Variants in PTPRD observed in about 807,000 individuals in gnomAD.
The protein encoded by PTPRD is receptor-type tyrosine-protein phosphatase delta.
In PTPRD, 34 loss-of-function variants were observed where a neutral mutation model predicts 214.5. The ratio of observed to expected loss-of-function variants is 0.16; its 90% CI spans 0.12 to 0.21. The LOEUF (loss-of-function observed/expected upper bound fraction) is 0.21, where lower values mean the gene tolerates loss of function less well. PTPRD is among the 10% of genes least tolerant of loss of function. The pLI is 1.00. For missense variants in PTPRD, 2,545 were observed against 2,398.7 expected (o/e 1.06, Z -1.27); for synonymous variants, 1,128 against 845.7 (o/e 1.33, Z -5.79).
At chr9:9,257,896 A>G (rs568447623) in intron 9 of PTPRD, among the ~76,000 whole-genome samples, 1 of 152,148 alleles carries the variant, frequency 6.6e-6, no homozygotes, top group Admixed American at 6.6e-5. Context: ...CTTTTAAAAA[A>G]TATAGTGACT....
At chr9:9,345,286 C>G (rs920078901) in intron 9 of PTPRD, among the ~76,000 whole-genome samples, 2 of 151,878 alleles carry the variant, frequency 1.3e-5, no homozygotes, top group African/African-American at 4.8e-5. Context: ...AATGTATTAT[C>G]TAATCCATTA....
intron 8 of PTPRD, among the ~76,000 whole-genome samples, chr9:9,550,655 C>T (rs2079983472): frequency 6.6e-6 from 1 of 151,138 alleles, no homozygotes; most frequent in Non-Finnish European, 1.5e-5. Flanking sequence ...CTGTAAAACC[C>T]CGCATGAAAA....
intron 7 of PTPRD, among the ~76,000 whole-genome samples, chr9:9,647,510 C>T (rs1378711688): frequency 6.6e-6 from 1 of 152,024 alleles, no homozygotes; most frequent in Non-Finnish European, 1.5e-5. Flanking sequence ...CTTACTTTTG[C>T]CAGTCTTATA....
At chr9:9,913,956 C>T (rs926704325) in intron 5 of PTPRD, among the ~76,000 whole-genome samples, 4 of 152,100 alleles carry the variant, frequency 2.6e-5, no homozygotes, top group South Asian at 2.1e-4. Flanking sequence ...TATGACAAGC[C>T]GACAATAGTG....
At chr9:8,945,261 T>A (rs1164708300) in intron 11 of PTPRD, among the ~76,000 whole-genome samples, 1 of 151,968 alleles carries the variant, frequency 6.6e-6, no homozygotes. Flanking sequence ...TACTTGTGAA[T>A]CTCCCACTTA....
chr9:9,951,811 G>A (rs1250597842), intron 4 of PTPRD, among the ~76,000 whole-genome samples: 5 of 152,218 alleles, frequency 3.3e-5, no homozygotes, highest in Admixed American at 3.3e-4. Flanking sequence ...CAGGAAACAA[G>A]ATTACATATG....
intron 9 of PTPRD, among the ~76,000 whole-genome samples, chr9:9,238,334 G>A (rs2099968331): frequency 6.6e-6 from 1 of 152,116 alleles, no homozygotes; most frequent in South Asian, 2.1e-4. Context: ...TGGCTGACAA[G>A]TCACTGACAA....
intron 10 of PTPRD, among the ~76,000 whole-genome samples, chr9:9,146,956 G>C (rs555817759): frequency 6.6e-6 from 1 of 152,168 alleles, no homozygotes; most frequent in East Asian, 1.9e-4. Flanking sequence ...CATTTGACTT[G>C]ACTTTTTAAA....
intron 10 of PTPRD, among the ~76,000 whole-genome samples, chr9:9,058,729 G>A (rs1345139128): frequency 2.0e-5 from 3 of 151,732 alleles, no homozygotes; most frequent in Non-Finnish European, 1.5e-5. Context: ...GACTACAGGC[G>A]TGAGCCACCG....
chr9:10,193,907 A>C (rs1408656095), intron 3 of PTPRD, among the ~76,000 whole-genome samples: 2 of 152,154 alleles, frequency 1.3e-5, no homozygotes, highest in African/African-American at 4.8e-5. Flanking sequence ...GCTTTGTTAG[A>C]TGCTCCGAAA....
At chr9:8,892,129 C>A (rs1326898989) in intron 11 of PTPRD, among the ~76,000 whole-genome samples, 1 of 152,158 alleles carries the variant, frequency 6.6e-6, no homozygotes, top group Non-Finnish European at 1.5e-5. Flanking sequence ...CCTCTGCTGA[C>A]CCCAGCCCTA....
At chr9:10,050,559 C>CAAAAAAAAAAAAAAAAAAAAAAA (rs1164243746) in intron 3 of PTPRD, among the ~76,000 whole-genome samples, 1 of 13,998 alleles carries the variant, frequency 7.1e-5, no homozygotes, top group African/African-American at 1.9e-4. Flanking sequence ...GAGTCTGTCT[C>CAAAAAAAAAAAAAAAAAAAAAAA]AAAAAAAAAA....
chr9:8,385,397 G>T (rs1357233792), intron 37 of PTPRD, among the ~76,000 whole-genome samples: 1 of 152,126 alleles, frequency 6.6e-6, no homozygotes, highest in Non-Finnish European at 1.5e-5. Context: ...TGGGTGCTGT[G>T]CACCTGTAGT....
chr9:10,225,181 G>T (rs1401570579), intron 3 of PTPRD, among the ~76,000 whole-genome samples: 3 of 151,600 alleles, frequency 2.0e-5, no homozygotes, highest in Admixed American at 6.6e-5. Flanking sequence ...GATGAATACA[G>T]TCTTATATAA....
At chr9:9,526,785 ATAAT>A (rs2074227125) in intron 8 of PTPRD, among the ~76,000 whole-genome samples, 1 of 152,230 alleles carries the variant, frequency 6.6e-6, no homozygotes, top group African/African-American at 2.4e-5. Context: ...TATTATCAGA[ATAAT>A]TAACATGATG....
chr9:9,443,007 T>C (rs1360465614), intron 8 of PTPRD, among the ~76,000 whole-genome samples: 1 of 152,154 alleles, frequency 6.6e-6, no homozygotes, highest in East Asian at 1.9e-4. Context: ...TTCTTAGTGA[T>C]AAGTATTCTT....
intron 11 of PTPRD, among the ~76,000 whole-genome samples, chr9:8,847,011 C>A (rs2097709992): frequency 6.6e-6 from 1 of 151,954 alleles, no homozygotes; most frequent in African/African-American, 2.4e-5. Context: ...AAGATGGGGG[C>A]CTTTCAACAG....
At chr9:9,942,007 G>A (rs1447222015) in intron 4 of PTPRD, among the ~76,000 whole-genome samples, 1 of 152,110 alleles carries the variant, frequency 6.6e-6, no homozygotes, top group African/African-American at 2.4e-5. Flanking sequence ...CCCCACAATT[G>A]TTAAAACATT....
chr9:9,895,515 T>C (rs1327105227), intron 5 of PTPRD, among the ~76,000 whole-genome samples: 1 of 152,074 alleles, frequency 6.6e-6, no homozygotes, highest in Non-Finnish European at 1.5e-5. Context: ...ATATCAACTG[T>C]CATGTGCACC....
Sources: gnomAD v4.1 joint callset for allele counts (sites outside exome capture counted in the v4.1 genomes callset) on GRCh38, gnomAD v4.1.1 for gene constraint, MANE v1.5 for transcripts, NCBI Gene and HGNC (gene_info 2026-07-23, HGNC 2026-07-21) for gene names.